The following TMTC2 variants were observed in gnomAD, a reference collection of about 807,000 sequenced individuals.
The protein encoded by TMTC2 is transmembrane O-mannosyltransferase targeting cadherins 2.
In TMTC2, 43 loss-of-function variants were observed where a neutral mutation model predicts 82.4. That is an observed-to-expected ratio of 0.52 (90% confidence interval 0.41 to 0.67). The LOEUF (loss-of-function observed/expected upper bound fraction) is 0.67, where lower values mean the gene tolerates loss of function less well. TMTC2 is among the 30% of genes least tolerant of loss of function. The probability of loss-of-function intolerance (pLI) is 0.00; values close to 1 mark genes in which losing one functional copy is unlikely to be tolerated. For missense variants in TMTC2, 919 were observed against 1,012.4 expected, an observed-to-expected ratio of 0.91 and a Z score of 1.25; for synonymous variants, 408 against 381.9, an observed-to-expected ratio of 1.07 and a Z score of -0.80.
intron 11 of TMTC2, among the ~76,000 whole-genome samples, chr12:83,074,459 A>G (rs1339169249): frequency 6.6e-6 from 1 of 152,042 alleles, no homozygotes; most frequent in East Asian, 1.9e-4. Flanking sequence ...GGGACCATCA[A>G]GTGGGGGCAG....
intron 2 of TMTC2, among the ~76,000 whole-genome samples, chr12:82,864,970 T>G (rs182505790): frequency 0.015 from 2,190 of 150,796 alleles, 63 homozygotes; most frequent in African/African-American, 0.051. Flanking sequence ...ATCCCAGCAC[T>G]TTGAGAGGCC....
At chr12:82,982,118 A>G (rs999677491) in intron 7 of TMTC2, among the ~76,000 whole-genome samples, 3 of 151,822 alleles carry the variant, frequency 2.0e-5, no homozygotes, top group Non-Finnish European at 4.4e-5. Context: ...GTAAAGGTAG[A>G]AAATATTATA....
At chr12:83,117,916 ATTTAT>A (rs1270706217) in intron 11 of TMTC2, among the ~76,000 whole-genome samples, 1 of 148,408 alleles carries the variant, frequency 6.7e-6, no homozygotes, top group Admixed American at 6.6e-5. Context: ...TTATTTATTT[ATTTAT>A]TTATTTATTT....
intron 1 of TMTC2, among the ~76,000 whole-genome samples, chr12:82,754,796 T>C (rs1339762832): frequency 3.9e-5 from 6 of 152,182 alleles, no homozygotes; most frequent in African/African-American, 1.4e-4. Context: ...TGCAGTAGTG[T>C]ATCATTTTGG....
chr12:82,719,311 C>T (rs1031203630), intron 1 of TMTC2, among the ~76,000 whole-genome samples: 1 of 151,770 alleles, frequency 6.6e-6, no homozygotes, highest in African/African-American at 2.4e-5. Context: ...CCAGGCTAGT[C>T]TCTAACTCCT....
chr12:82,942,275 T>A (rs890466454), intron 4 of TMTC2, among the ~76,000 whole-genome samples: 3 of 152,112 alleles, frequency 2.0e-5, no homozygotes, highest in Non-Finnish European at 4.4e-5. Context: ...TCAGAAAAAA[T>A]TAAATAGTAA....
At chr12:82,822,570 A>G (rs1313350833) in intron 1 of TMTC2, among the ~76,000 whole-genome samples, 1 of 152,202 alleles carries the variant, frequency 6.6e-6, no homozygotes, top group Admixed American at 6.5e-5. Context: ...GAAATACCAT[A>G]CTAAAACTTG....
At chr12:82,688,301 T>C (rs1184002080) in intron 1 of TMTC2, among the ~76,000 whole-genome samples, 1 of 152,204 alleles carries the variant, frequency 6.6e-6, no homozygotes, top group Non-Finnish European at 1.5e-5. Flanking sequence ...GCCTCGGCTT[T>C]CTCATTTCTG....
At chr12:82,803,726 G>A (rs557449332) in intron 1 of TMTC2, among the ~76,000 whole-genome samples, 1 of 152,140 alleles carries the variant, frequency 6.6e-6, no homozygotes, top group Admixed American at 6.5e-5. Context: ...CATGCAGGCA[G>A]CCCACCCCAA....
chr12:82,753,188 C>T (rs1228259037), intron 1 of TMTC2, among the ~76,000 whole-genome samples: 1 of 152,106 alleles, frequency 6.6e-6, no homozygotes, highest in Admixed American at 6.6e-5. Context: ...CACTTTTGCC[C>T]TCCTACCCTC....
intron 11 of TMTC2, among the ~76,000 whole-genome samples, chr12:83,081,441 CAG>C (rs1289501483): frequency 2.0e-5 from 3 of 152,136 alleles, no homozygotes; most frequent in Admixed American, 1.3e-4. Flanking sequence ...CTTTCAATAA[CAG>C]ATTCTCACTC....
At chr12:83,041,547 T>A (rs1406927706) in intron 9 of TMTC2, among the ~76,000 whole-genome samples, 2 of 151,732 alleles carry the variant, frequency 1.3e-5, no homozygotes, top group East Asian at 3.9e-4. Context: ...ATGAAAAAAA[T>A]TTTGAATAAG....
chr12:82,745,403 G>T lies in TMTC2; in HGVS notation c.83+57734G>T, dbSNP rs1875638498. ...TCAGCTGAGGTTCTTTACAGGTAGT[G>T]ATCTCTTTAGTGGTATTTGAAATGT... is the stretch of plus-strand genomic sequence containing the variant. On this transcript the variant is annotated intron_variant, in intron 1 of 11. Transcript: ENST00000321196. Among the ~76,000 whole-genome samples the T allele has an allele frequency of 4.6e-5, 7 of 152,304 alleles. No homozygotes were observed. The South Asian group carries it at 1.5e-3, about 32-fold the overall frequency.
intron 1 of TMTC2, among the ~76,000 whole-genome samples, chr12:82,801,525 G>A (rs1250865559): frequency 2.0e-5 from 3 of 152,240 alleles, no homozygotes; most frequent in East Asian, 1.9e-4. Flanking sequence ...ACAGAGAGCC[G>A]ATTGGTCTGT....
intron 9 of TMTC2, among the ~76,000 whole-genome samples, chr12:83,038,811 T>A (rs1383730566): frequency 6.6e-6 from 1 of 152,150 alleles, no homozygotes. Flanking sequence ...CATGCACCCT[T>A]TTGTTTTCCT....
At chr12:82,739,147 TA>T (rs59846972) in intron 1 of TMTC2, among the ~76,000 whole-genome samples, 109,049 of 139,362 alleles carry the variant, frequency 0.78, 43,079 homozygotes, top group East Asian at 0.94. Flanking sequence ...GACTCTGTCT[TA>T]AAAAAAAAAA....
chr12:82,864,341 G>C (rs180738651), intron 2 of TMTC2, among the ~76,000 whole-genome samples: 10 of 151,926 alleles, frequency 6.6e-5, no homozygotes, highest in East Asian at 3.9e-4. Flanking sequence ...GGTCAGCTCC[G>C]TGTAGCCACT....
At position 82,766,783 on chromosome 12, in the gene TMTC2, CTATTTATT is replaced by C. The variant is rs10645376; in HGVS notation, c.83+79132_83+79139del. On this transcript the variant is annotated intron_variant, in intron 1 of 11. Transcript: ENST00000321196. ...AATTCTGGTATCATTGTTGATTCTT[CTATTTATT>C]TATTTATTTATTTATTTTGAGACGG... Among the ~76,000 whole-genome samples, 4 of 151,394 alleles carry C rather than the reference CTATTTATT, an allele frequency of 2.6e-5. No homozygotes were observed. In the South Asian group the frequency reaches 6.3e-4, roughly 24 times the overall value.
chr12:83,036,449 A>G (rs892243823), intron 9 of TMTC2, among the ~76,000 whole-genome samples: 1 of 148,116 alleles, frequency 6.8e-6, no homozygotes, highest in Admixed American at 6.7e-5. Flanking sequence ...GCACTTTGCC[A>G]TCTATCTTAT....
Sources: gnomAD v4.1 joint callset for allele counts (sites outside exome capture counted in the v4.1 genomes callset) on GRCh38, gnomAD v4.1.1 for gene constraint, MANE v1.5 for transcripts, NCBI Gene and HGNC (gene_info 2026-07-23, HGNC 2026-07-21) for gene names.